SP4: variants seen among roughly 807,000 people sequenced by gnomAD.
SP4 encodes the protein Sp4 transcription factor, also known as transcription factor Sp4.
In SP4, 19 loss-of-function variants were observed where a neutral mutation model predicts 72.8. That is an observed-to-expected ratio of 0.26 (90% CI 0.18 to 0.38). SP4 has a LOEUF of 0.38. SP4 is among the 10% of genes least tolerant of loss of function. The pLI is 1.00. For missense variants in SP4, 1,008 were observed against 926.3 expected, an observed-to-expected ratio of 1.09 and a Z score of -1.14; for synonymous variants, 395 against 333.1, an observed-to-expected ratio of 1.19 and a Z score of -2.02.
At chr7:21,472,223 G>A (rs1366948623) in intron 3 of SP4, among the ~76,000 whole-genome samples, 1 of 152,124 alleles carries the variant, frequency 6.6e-6, no homozygotes, top group Non-Finnish European at 1.5e-5. Flanking sequence ...AGAATGAGAA[G>A]TCAGAACCCT....
intron 3 of SP4, among the ~76,000 whole-genome samples, chr7:21,443,762 C>G (rs1158200980): frequency 3.3e-5 from 5 of 152,084 alleles, no homozygotes; most frequent in Non-Finnish European, 5.9e-5. Flanking sequence ...GAGGAAGAGA[C>G]TAGGTGAATA....
chr7:21,492,580 A>G (rs543171713), intron 5 of SP4, among the ~76,000 whole-genome samples: 7 of 152,208 alleles, frequency 4.6e-5, no homozygotes, highest in Non-Finnish European at 8.8e-5. Flanking sequence ...CTTGACTGTC[A>G]TCTGAAAAAA....
intron 3 of SP4, among the ~76,000 whole-genome samples, chr7:21,453,902 C>G (rs767268204): frequency 2.0e-5 from 3 of 152,204 alleles, no homozygotes; most frequent in African/African-American, 7.2e-5. Context: ...AAACCTTTAG[C>G]TTTATCCTAT....
chr7:21,453,678 C>T (rs1188395254), intron 3 of SP4, among the ~76,000 whole-genome samples: 2 of 152,102 alleles, frequency 1.3e-5, no homozygotes, highest in Admixed American at 6.6e-5. Context: ...AATCAGTTTG[C>T]CCTCATTTTG....
intron 3 of SP4, among the ~76,000 whole-genome samples, chr7:21,473,988 G>A (rs180963971): frequency 4.6e-5 from 7 of 152,324 alleles, no homozygotes; most frequent in African/African-American, 1.7e-4. Flanking sequence ...TCTAGATGAA[G>A]TCAATTAACG....
At chr7:21,461,229 G>T (rs993447956) in intron 3 of SP4, among the ~76,000 whole-genome samples, 8 of 152,138 alleles carry the variant, frequency 5.3e-5, no homozygotes, top group Non-Finnish European at 2.9e-5. Context: ...CGATGGGACC[G>T]GGTGCCATGG....
intron 3 of SP4, among the ~76,000 whole-genome samples, chr7:21,473,865 A>C (rs1174602371): frequency 6.6e-6 from 1 of 152,190 alleles, no homozygotes; most frequent in Non-Finnish European, 1.5e-5. Flanking sequence ...AGCTCTGAGA[A>C]GTCAATAGAA....
At position 21,477,200 on chromosome 7, in the gene SP4, A is replaced by C. The variant is rs754032949; in HGVS notation, c.1800A>C (p.Gln600His). The C allele has an allele frequency of 6.2e-7, 1 of 1,614,218 alleles. No individual in the cohort carries two copies. The highest frequency in any genetic ancestry group is 8.5e-7 in the Non-Finnish European group (1 of 1,180,016). The change falls in exon 4 of 6, where the codon CAA becomes CAC. Residue 600 changes from glutamine to histidine, a missense_variant. Coordinates refer to ENST00000222584, the MANE Select transcript of SP4 (RefSeq NM_003112.5). Reference sequence around the variant, plus strand: ...CTGTTAGTCCTGACCAACTCACACAAGTGCATTTGCAGCAAGGCCAGCAGA... The same window carrying C: ...CTGTTAGTCCTGACCAACTCACACACGTGCATTTGCAGCAAGGCCAGCAGA... The part of the protein sequence containing the change: ...IGAVSPDQLT[Q>H]VHLQQGQQTS...
intron 3 of SP4, among the ~76,000 whole-genome samples, chr7:21,440,088 A>G (rs1371213569): frequency 6.6e-6 from 1 of 152,232 alleles, no homozygotes; most frequent in Non-Finnish European, 1.5e-5. Flanking sequence ...CGTGCAGACC[A>G]CATGTACTTA....
intron 5 of SP4, among the ~76,000 whole-genome samples, chr7:21,505,040 C>T (rs1781960276): frequency 6.6e-6 from 1 of 152,238 alleles, no homozygotes. Flanking sequence ...CCCGCTTTAG[C>T]TCTTTTACCA....
At chr7:21,489,090 C>T (rs1784902176) in intron 5 of SP4, among the ~76,000 whole-genome samples, 1 of 152,026 alleles carries the variant, frequency 6.6e-6, no homozygotes, top group African/African-American at 2.4e-5. Context: ...TGTGCAACTG[C>T]AGTATAGGTT....
intron 3 of SP4, chr7:21,470,931 A>T (rs1230284638): frequency 4.9e-6 from 2 of 408,402 alleles, no homozygotes; most frequent in African/African-American, 4.2e-5. Flanking sequence ...TTATTAAAAA[A>T]ATTATTTTAC....
intron 3 of SP4, among the ~76,000 whole-genome samples, chr7:21,465,520 T>C (rs1784139562): frequency 6.6e-6 from 1 of 152,178 alleles, no homozygotes; most frequent in Non-Finnish European, 1.5e-5. Flanking sequence ...AGGTGTAAAA[T>C]AGTTTAGTTC....
In SP4 at chr7:21,430,534, A is replaced by G. The variant is rs1427622867; in HGVS notation, c.1369A>G (p.Arg457Gly). ...AGTAAATCCGACTCAGGTGCTTATC[A>G]GGGCTCCAACTTTAACACCTTCAGG... ...QAVNPTQVLI[R>G]APTLTPSGQI... Residue 457 changes from arginine to glycine, a missense_variant, in exon 3 of 6, where the codon AGG becomes GGG. This residue lies in a region of SP4 where 893 missense variants were observed against 743.3 expected (regional missense o/e 1.20). Transcript: ENST00000222584. 1 of 1,614,108 alleles carries G rather than the reference A, an allele frequency of 6.2e-7. No individual in the cohort carries two copies. The highest frequency in any genetic ancestry group is 8.5e-7 in the Non-Finnish European group (1 of 1,180,050).
chr7:21,452,048 T>C (rs970050841), intron 3 of SP4, among the ~76,000 whole-genome samples: 1 of 152,196 alleles, frequency 6.6e-6, no homozygotes, highest in Non-Finnish European at 1.5e-5. Context: ...CAGAGATCAC[T>C]GGTTGGTTCA....
chr7:21,491,584 A>G (rs1784980919), intron 5 of SP4, among the ~76,000 whole-genome samples: 2 of 152,196 alleles, frequency 1.3e-5, no homozygotes, highest in Non-Finnish European at 2.9e-5. Flanking sequence ...ACTAAAAGAA[A>G]ACAATATCAT....
At chr7:21,458,803 G>A (rs1293238145) in intron 3 of SP4, among the ~76,000 whole-genome samples, 2 of 151,716 alleles carry the variant, frequency 1.3e-5, no homozygotes, top group Admixed American at 6.6e-5. Flanking sequence ...CCCCACACAC[G>A]ATATTAGAGA....
chr7:21,478,824 C>T (rs1481730220), intron 4 of SP4, among the ~76,000 whole-genome samples: 1 of 152,132 alleles, frequency 6.6e-6, no homozygotes, highest in African/African-American at 2.4e-5. Flanking sequence ...AATCCCAGCA[C>T]TTCGGGAGGC....
At chr7:21,485,861 G>C (rs1200543757) in intron 5 of SP4, among the ~76,000 whole-genome samples, 1 of 151,898 alleles carries the variant, frequency 6.6e-6, no homozygotes, top group Admixed American at 6.6e-5. Context: ...TTCTTCTGTA[G>C]ACCTGTTCCA....
Sources: gnomAD v4.1 joint callset for allele counts (sites outside exome capture counted in the v4.1 genomes callset) on GRCh38, gnomAD v4.1.1 for gene constraint, gnomAD v4.1.1 regional missense constraint, MANE v1.5 for transcripts, NCBI Gene and HGNC (gene_info 2026-07-23, HGNC 2026-07-21) for gene names.